The following DDX46 variants were observed in gnomAD, a reference collection of about 807,000 sequenced individuals.
DDX46 encodes DEAD-box helicase 46.
DDX46 carries 30 observed loss-of-function variants against 134.9 expected under a neutral mutation model. The ratio of observed to expected loss-of-function variants is 0.22; its 90% confidence interval spans 0.17 to 0.30. The LOEUF (loss-of-function observed/expected upper bound fraction) is 0.30. DDX46 is among the 10% of genes least tolerant of loss of function. The probability of loss-of-function intolerance (pLI) is 1.00; values close to 1 mark genes in which losing one functional copy is unlikely to be tolerated. For synonymous variants in DDX46, 415 were observed against 404.1 expected (o/e 1.03, Z -0.32); for missense variants, 622 against 1,248.7 (o/e 0.50, Z 7.56).
chr5:134,773,623 T>A (rs1252636789), intron 4 of DDX46, 73 bp from the exon 5 acceptor site: 1 of 1,470,238 alleles, frequency 6.8e-7, no homozygotes, highest in African/African-American at 1.4e-5. Flanking sequence ...GGAATGTCAC[T>A]TGGAGCAAAA....
At chr5:134,823,045 A>C (rs1755497990) in intron 21 of DDX46, among the ~76,000 whole-genome samples, 1 of 151,878 alleles carries the variant, frequency 6.6e-6, no homozygotes, top group Admixed American at 6.6e-5. Context: ...TCATTCAAGT[A>C]ATCTAGGGTT....
chr5:134,763,100 C>T (rs549094546), intron 1 of DDX46, among the ~76,000 whole-genome samples: 2 of 151,858 alleles, frequency 1.3e-5, no homozygotes, highest in African/African-American at 4.8e-5. Context: ...AGTGTGGTGA[C>T]GCATGCCTGA....
intron 21 of DDX46, among the ~76,000 whole-genome samples, chr5:134,821,333 C>T (rs189165325): frequency 0.011 from 1,616 of 151,654 alleles, 19 homozygotes; most frequent in African/African-American, 0.036. Flanking sequence ...TGAGCCACTG[C>T]GCCCGGCCAA....
At chr5:134,768,109 AT>A (rs34340470) in intron 3 of DDX46, among the ~76,000 whole-genome samples, 3,510 of 141,424 alleles carry the variant, frequency 0.025, 69 homozygotes, top group African/African-American at 0.061. Flanking sequence ...ATAAGTGAAG[AT>A]TTTTTTTTTT....
chr5:134,802,098 T>A lies in DDX46; in HGVS notation c.1955-5650T>A, dbSNP rs560544350. ...CTTTTTGATATTGTCTCACTGATGCTTTGTTCAGTCTTTTTCAACCTTTTT... is the reference window on the plus strand; with the variant it reads ...CTTTTTGATATTGTCTCACTGATGCATTGTTCAGTCTTTTTCAACCTTTTT... On this transcript the variant is annotated intron_variant, in intron 15 of 22. Coordinates refer to ENST00000452510, the MANE Select transcript of DDX46 (RefSeq NM_001300860.2). 2.0e-5 allele frequency among the ~76,000 whole-genome samples: 3 copies of A among 152,180 alleles called. No homozygotes were observed. The East Asian group carries it at 5.8e-4, about 29-fold the overall frequency.
intron 2 of DDX46, 58 bp downstream of exon 2, chr5:134,764,150 G>A: frequency 6.6e-7 from 1 of 1,511,520 alleles, no homozygotes; most frequent in Non-Finnish European, 8.9e-7. Flanking sequence ...CTCGGCTATA[G>A]CAGGCTTCTT....
chr5:134,783,828 C>T (rs659954), intron 9 of DDX46, among the ~76,000 whole-genome samples: 7,521 of 148,026 alleles, frequency 0.051, 447 homozygotes, highest in African/African-American at 0.15. Flanking sequence ...GGATTACAGG[C>T]GTGAGCCACC....
At chr5:134,804,843 G>A in intron 15 of DDX46, 3 of 415,700 alleles carry the variant, frequency 7.2e-6, no homozygotes, top group South Asian at 6.1e-5. Context: ...CCTTGATAAG[G>A]AAAGCATGCT....
At chr5:134,793,116 C>T (rs1754553350) in intron 13 of DDX46, among the ~76,000 whole-genome samples, 1 of 152,094 alleles carries the variant, frequency 6.6e-6, no homozygotes, top group Non-Finnish European at 1.5e-5. Flanking sequence ...AACATAATAC[C>T]TCTGCACTCC....
At position 134,763,919 on chromosome 5, in the gene DDX46, A is replaced by G. The variant is rs146892491; in HGVS notation, c.33A>G (p.Arg11=). 3 of 1,614,088 alleles carry G rather than the reference A, an allele frequency of 1.9e-6. No individual in the cohort carries two copies. Among genetic ancestry groups the G allele is most frequent in the East Asian group, 2.2e-5 (1 of 44,886 alleles). Residue 11 remains arginine (R), a synonymous_variant, in exon 2 of 23, where the codon CGA becomes CGG. Transcript: ENST00000452510. Reference sequence around the variant, plus strand: ...ATTGTTCTAGCCACTATCGAAAACGATCGGCATCCCGGGGTCGCTCTGGAA... The same window carrying G: ...ATTGTTCTAGCCACTATCGAAAACGGTCGGCATCCCGGGGTCGCTCTGGAA... The part of the protein sequence containing the change: MGRESRHYRK[R]SASRGRSGSR...
chr5:134,795,836 T>C, intron 14 of DDX46, 152 bp from the exon 15 acceptor site: 2 of 733,778 alleles, frequency 2.7e-6, no homozygotes, highest in Non-Finnish European at 4.3e-6. Context: ...ACAATTTTTA[T>C]CATTTACAAT....
chr5:134,773,161 TC>T (rs1198548381), intron 4 of DDX46, among the ~76,000 whole-genome samples: 1 of 152,126 alleles, frequency 6.6e-6, no homozygotes, highest in African/African-American at 2.4e-5. Flanking sequence ...GATCTCAACC[TC>T]CTGTGCTCAA....
At chr5:134,828,619 T>C in intron 22 of DDX46, 40 bp from the exon 23 acceptor site, 1 of 1,376,136 alleles carries the variant, frequency 7.3e-7, no homozygotes, top group Non-Finnish European at 9.6e-7. Context: ...TTTTTTTGTT[T>C]TGCTTTCTCT....
chr5:134,785,203 A>T lies in DDX46; in HGVS notation c.1343-262A>T, dbSNP rs528362261. ...TTAGAAAACTGTTTGCATTCTTTTG[A>T]ACCAAGTATTTTCCTGAGGGTTGGA... On this transcript the variant is annotated intron_variant, in intron 10 of 22. Transcript: ENST00000452510. 1.8e-4 allele frequency among the ~76,000 whole-genome samples: 28 copies of T among 152,274 alleles called. 1 individual carries two copies. In the South Asian group the frequency reaches 5.8e-3, roughly 32 times the overall value.
chr5:134,794,993 C>T lies in DDX46; in HGVS notation c.1770C>T (p.Cys590=), dbSNP rs377442020. 36 of 1,613,992 alleles carry T rather than the reference C, an allele frequency of 2.2e-5. No homozygotes were observed. Among genetic ancestry groups the T allele is most frequent in the Non-Finnish European group, 3.0e-5 (35 of 1,180,028 alleles). ...EVQVGGRSVV[C]SDVEQQVIVI... Reference sequence around the variant, plus strand: ...AAGTTGGAGGCAGGAGTGTGGTTTGCTCAGATGTGGAGCAACAAGTGGTGG... The same window carrying T: ...AAGTTGGAGGCAGGAGTGTGGTTTGTTCAGATGTGGAGCAACAAGTGGTGG... The change falls in exon 14 of 23, where the codon TGC becomes TGT. Residue 590 remains cysteine, a synonymous_variant. Transcript: ENST00000452510.
chr5:134,775,004 T>A (rs1244058565), intron 5 of DDX46, among the ~76,000 whole-genome samples: 1 of 152,102 alleles, frequency 6.6e-6, no homozygotes, highest in Non-Finnish European at 1.5e-5. Context: ...AATTTTTGTA[T>A]TTTTAGTACA....
Position 134,782,790 on chromosome 5 carries a change from G to C in DDX46, c.1046-155G>C, listed in dbSNP as rs1442253825. 2.0e-5 allele frequency among the ~76,000 whole-genome samples: 3 copies of C among 152,086 alleles called. No homozygotes were observed. In the East Asian group the frequency reaches 5.8e-4, roughly 29 times the overall value. Reference sequence around the variant, plus strand: ...TCCTGGGTTCAAGTGATCTGCCTGCGTCTGTCTCCCAAAGTGCTAGTTGCT... The same window carrying C: ...TCCTGGGTTCAAGTGATCTGCCTGCCTCTGTCTCCCAAAGTGCTAGTTGCT... On this transcript the variant is annotated intron_variant, in intron 8 of 22. Transcript: ENST00000452510.
At chr5:134,785,423 A>G in intron 10 of DDX46, 42 bp from the exon 11 acceptor site, 1 of 1,596,592 alleles carries the variant, frequency 6.3e-7, no homozygotes, top group Non-Finnish European at 8.5e-7. Flanking sequence ...CACAGCCTTA[A>G]GAATTTTGGT....
chr5:134,816,380 G>C, intron 18 of DDX46, 50 bp from the exon 19 acceptor site: 1 of 1,484,932 alleles, frequency 6.7e-7, no homozygotes, highest in Non-Finnish European at 9.1e-7. Context: ...AACTTAATTT[G>C]GTATTTCTAA....
Sources: gnomAD v4.1 joint callset for allele counts (sites outside exome capture counted in the v4.1 genomes callset) on GRCh38, gnomAD v4.1.1 for gene constraint, MANE v1.5 for transcripts, NCBI Gene and HGNC (gene_info 2026-07-23, HGNC 2026-07-21) for gene names.